The following CLSTN2 variants were observed in gnomAD, a reference collection of about 807,000 sequenced individuals.
CLSTN2 encodes calsyntenin 2, also known as calsyntenin-2.
In CLSTN2, 48 loss-of-function variants were observed where a neutral mutation model predicts 101.2. The observed-to-expected ratio is 0.47, with a 90% confidence interval of 0.38 to 0.60. The LOEUF (loss-of-function observed/expected upper bound fraction) is 0.60, where lower values mean the gene tolerates loss of function less well. CLSTN2 is among the 20% of genes least tolerant of loss of function. The probability of loss-of-function intolerance (pLI) is 0.00; values close to 1 mark genes in which losing one functional copy is unlikely to be tolerated. For missense variants in CLSTN2, 1,160 were observed against 1,238.2 expected, an observed-to-expected ratio of 0.94 and a Z score of 0.95; for synonymous variants, 481 against 463.6, an observed-to-expected ratio of 1.04 and a Z score of -0.48.
chr3:140,434,788 A>G (rs776636709), intron 5 of CLSTN2, among the ~76,000 whole-genome samples: 4 of 152,198 alleles, frequency 2.6e-5, no homozygotes, highest in Non-Finnish European at 5.9e-5. Context: ...TTTGTGTTGC[A>G]GAGAAGGGTT....
intron 1 of CLSTN2, among the ~76,000 whole-genome samples, chr3:140,016,787 G>T (rs2007209370): frequency 1.1e-5 from 1 of 90,724 alleles, no homozygotes; most frequent in Non-Finnish European, 2.0e-5. Flanking sequence ...GACAGAGTGA[G>T]ACTCTGAAAA....
At chr3:140,562,388 C>T (rs1167392228) in intron 13 of CLSTN2, 80 bp downstream of exon 13, 9 of 1,380,704 alleles carry the variant, frequency 6.5e-6, no homozygotes, top group Admixed American at 4.2e-5. Context: ...AGTGAGATTG[C>T]ACCTGTGAAG....
chr3:140,391,070 G>T (rs780825352), intron 2 of CLSTN2, among the ~76,000 whole-genome samples: 1 of 152,176 alleles, frequency 6.6e-6, no homozygotes, highest in South Asian at 2.1e-4. Context: ...CAGGGGACTG[G>T]GGGCAGCCAG....
At chr3:140,556,350 G>C (rs528281668) in intron 10 of CLSTN2, among the ~76,000 whole-genome samples, 163 bp from the exon 11 acceptor site, 103 of 152,290 alleles carry the variant, frequency 6.8e-4, no homozygotes, top group African/African-American at 2.4e-3. Context: ...GGAAATGCTT[G>C]AGAGTTTAAA....
In CLSTN2 at chr3:140,434,447, C is replaced by T. The variant is rs146555799; in HGVS notation, c.787+13173C>T. The stretch of plus-strand genomic sequence containing the variant: ...AGCCCCTGGGAACCATGAGCTGGAG[C>T]GGTGGTGAGGTGAGGGCAGACAGGT... On this transcript the variant is annotated intron_variant, in intron 5 of 16. Coordinates refer to ENST00000458420, the MANE Select transcript of CLSTN2 (RefSeq NM_022131.3). Among the ~76,000 whole-genome samples, 918 of 152,240 alleles carry T rather than the reference C, an allele frequency of 6.0e-3. 8 individuals carry two copies. Among genetic ancestry groups the T allele is most frequent in the Middle Eastern group, 0.031 (9 of 294 alleles).
At chr3:140,282,597 C>A (rs2086858511) in intron 2 of CLSTN2, among the ~76,000 whole-genome samples, 1 of 145,370 alleles carries the variant, frequency 6.9e-6, no homozygotes, top group Non-Finnish European at 1.5e-5. Context: ...AGAAACTTGT[C>A]TGTGACTTTC....
intron 1 of CLSTN2, among the ~76,000 whole-genome samples, chr3:140,168,288 C>T (rs1306643095): frequency 6.6e-6 from 1 of 152,066 alleles, no homozygotes; most frequent in Non-Finnish European, 1.5e-5. Context: ...TGATGTTGAA[C>T]AAATTTTTAT....
At position 140,409,397 on chromosome 3, in the gene CLSTN2, C is replaced by T. The variant is rs545353461; in HGVS notation, c.637+4631C>T. On this transcript the variant is annotated intron_variant, in intron 4 of 16. Coordinates refer to ENST00000458420, the MANE Select transcript of CLSTN2 (RefSeq NM_022131.3). The stretch of plus-strand genomic sequence containing the variant: ...AGCCTTTGCCACACCAAGGAACACA[C>T]AGTTGCAAATGTTACAGACCCCAGC... 3.0e-4 allele frequency among the ~76,000 whole-genome samples: 46 copies of T among 152,296 alleles called. 1 individual carries two copies. In the South Asian group the frequency reaches 9.1e-3, roughly 30 times the overall value.
intron 1 of CLSTN2, among the ~76,000 whole-genome samples, chr3:140,056,271 T>A (rs1359092942): frequency 6.6e-6 from 1 of 152,196 alleles, no homozygotes; most frequent in Non-Finnish European, 1.5e-5. Flanking sequence ...TGGTACACAG[T>A]AGTTACACAA....
intron 2 of CLSTN2, among the ~76,000 whole-genome samples, chr3:140,231,341 T>C (rs1262789823): frequency 6.6e-6 from 1 of 152,096 alleles, no homozygotes; most frequent in Non-Finnish European, 1.5e-5. Context: ...ACTCTCTAAG[T>C]TATAAATGTC....
At chr3:140,059,847 T>G (rs1895859) in intron 1 of CLSTN2, among the ~76,000 whole-genome samples, 13 of 151,904 alleles carry the variant, frequency 8.6e-5, no homozygotes, top group African/African-American at 2.7e-4. Context: ...TTTTAAATAA[T>G]GAAAAATAAG....
chr3:140,438,431 T>TAAAAAAAAAAAAAAAAAAAAA lies in CLSTN2; in HGVS notation c.788-10086_788-10066dup. On this transcript the variant is annotated intron_variant, in intron 5 of 16. Transcript: ENST00000458420. ...CCACCTAGGAAAATGGTCCTTTCAT[T>TAAAAAAAAAAAAAAAAAAAAA]AAAAAAAAAAAAAAAAAAAAAAGCT... is the stretch of plus-strand genomic sequence containing the variant. 2.4e-4 allele frequency among the ~76,000 whole-genome samples: 11 copies of TAAAAAAAAAAAAAAAAAAAAA among 45,674 alleles called. 2 individuals are homozygous for TAAAAAAAAAAAAAAAAAAAAA. Among genetic ancestry groups the TAAAAAAAAAAAAAAAAAAAAA allele is most frequent in the African/African-American group, 1.4e-3 (11 of 7,858 alleles). 30.0% of individuals were successfully genotyped at this position (45,674 alleles called of 152,430 possible).
chr3:140,339,404 G>A (rs977263450), intron 2 of CLSTN2, among the ~76,000 whole-genome samples: 1 of 152,156 alleles, frequency 6.6e-6, no homozygotes, highest in African/African-American at 2.4e-5. Context: ...GATTTGTGAA[G>A]AGTAATTACA....
rs114426173 is a variant in CLSTN2 at position 140,129,482 on chromosome 3, A to C, written c.110-46469A>C. Among the ~76,000 whole-genome samples the C allele has an allele frequency of 6.8e-3, 1,033 of 152,346 alleles. 8 individuals carry two copies. Among genetic ancestry groups the C allele is most frequent in the African/African-American group, 0.023 (973 of 41,590 alleles). ...TCTTAGGCTTCCCATTCTTTAAATA[A>C]GGATTATAAATACCCCATAGGGAAG... On this transcript the variant is annotated intron_variant, in intron 1 of 16. Coordinates refer to ENST00000458420, the MANE Select transcript of CLSTN2 (RefSeq NM_022131.3).
intron 2 of CLSTN2, among the ~76,000 whole-genome samples, chr3:140,295,702 T>C (rs998400394): frequency 6.6e-6 from 1 of 152,176 alleles, no homozygotes; most frequent in Admixed American, 6.5e-5. Context: ...TAAGTATAAA[T>C]GCTCAGAAAT....
chr3:140,001,707 T>A (rs2006844532), intron 1 of CLSTN2, among the ~76,000 whole-genome samples: 1 of 152,046 alleles, frequency 6.6e-6, no homozygotes, highest in Non-Finnish European at 1.5e-5. Context: ...TAAGTCTCAT[T>A]CATGATTTCT....
intron 1 of CLSTN2, among the ~76,000 whole-genome samples, chr3:140,096,718 C>A (rs2008874971): frequency 6.6e-6 from 1 of 152,192 alleles, no homozygotes; most frequent in African/African-American, 2.4e-5. Context: ...GGAAGCCTGG[C>A]AGTTGCCCCA....
chr3:140,193,009 T>C (rs1465693013), intron 2 of CLSTN2, among the ~76,000 whole-genome samples: 2 of 151,892 alleles, frequency 1.3e-5, no homozygotes, highest in Non-Finnish European at 2.9e-5. Context: ...TCTATTGGTA[T>C]TGTCATTTTA....
intron 1 of CLSTN2, among the ~76,000 whole-genome samples, chr3:140,158,916 T>C (rs2010002009): frequency 6.6e-6 from 1 of 152,050 alleles, no homozygotes; most frequent in South Asian, 2.1e-4. Context: ...TAGTCAAAGA[T>C]AAGCAATGGG....
Sources: allele counts gnomAD v4.1 joint callset (sites outside exome capture counted in the v4.1 genomes callset), GRCh38; gene constraint gnomAD v4.1.1; transcripts MANE v1.5; gene names NCBI Gene and HGNC (gene_info 2026-07-23, HGNC 2026-07-21).